DYNLRB1: variants seen among roughly 807,000 people sequenced by gnomAD.
The protein encoded by DYNLRB1 is dynein light chain roadblock-type 1.
In DYNLRB1, 6 loss-of-function variants were observed where a neutral mutation model predicts 13.5. That is an observed-to-expected ratio of 0.44 (90% CI 0.24 to 0.88). The LOEUF (loss-of-function observed/expected upper bound fraction) is 0.88. Among genes scored for constraint, DYNLRB1 ranks in the 40% least tolerant of loss-of-function variants. The probability of loss-of-function intolerance (pLI) is 0.21; values close to 1 mark genes in which losing one functional copy is unlikely to be tolerated. For synonymous variants in DYNLRB1, 43 were observed against 45.0 expected (o/e 0.96, Z 0.18); for missense variants, 93 against 127.2 (o/e 0.73, Z 1.29).
At chr20:34,516,504 C>T (rs1048587705) in intron 1 of DYNLRB1, 43 bp downstream of exon 1, 1 of 1,610,214 alleles carries the variant, frequency 6.2e-7, no homozygotes, top group Non-Finnish European at 8.5e-7. Flanking sequence ...CCGCCCACCA[C>T]CCCACGCCAG....
At chr20:34,524,880 C>G (rs868446391) in intron 1 of DYNLRB1, among the ~76,000 whole-genome samples, 1 of 152,134 alleles carries the variant, frequency 6.6e-6, no homozygotes, top group African/African-American at 2.4e-5. Context: ...CCCGCCACTA[C>G]GCCCGGCTAA....
chr20:34,522,881 C>G (rs538105566), intron 1 of DYNLRB1, among the ~76,000 whole-genome samples: 1 of 152,194 alleles, frequency 6.6e-6, no homozygotes, highest in Admixed American at 6.5e-5. Flanking sequence ...CCATGTCCCC[C>G]TCCTGTACTT....
intron 3 of DYNLRB1, chr20:34,535,563 A>C (rs1029030083): frequency 1.1e-6 from 1 of 886,552 alleles, no homozygotes; most frequent in Admixed American, 6.2e-5. Flanking sequence ...TCACTCATGG[A>C]CTGGGGTGGC....
intron 1 of DYNLRB1, among the ~76,000 whole-genome samples, chr20:34,523,844 C>A (rs2146622927): frequency 6.6e-6 from 1 of 152,284 alleles, no homozygotes; most frequent in East Asian, 1.9e-4. Context: ...GGAAGGTTGC[C>A]ATGTAGTTAC....
In DYNLRB1 at chr20:34,529,949, C is replaced by T. The variant is rs780491108; in HGVS notation, c.79+3606C>T. On this transcript the variant is annotated intron_variant, in intron 2 of 3. Coordinates refer to ENST00000357156, the MANE Select transcript of DYNLRB1 (RefSeq NM_014183.4). ...GGTGGCCTGAGGCAACTCCTTTCCC[C>T]GCTTCAGCCCTCAACTGCCTCGAGT... The T allele has an allele frequency of 1.3e-5, 18 of 1,426,648 alleles. No homozygotes were observed. In the Admixed American group the frequency reaches 2.1e-4, roughly 17 times the overall value. The allele number at this position is 1,426,648 out of a possible 1,614,324, so 88.4% of individuals were successfully genotyped here.
rs17091865 is a variant in DYNLRB1 at position 34,524,029 on chromosome 20, C to A, written c.4-2239C>A. Among the ~76,000 whole-genome samples, 1,300 of 152,226 alleles carry A rather than the reference C, an allele frequency of 8.5e-3. 19 individuals are homozygous for A. The highest frequency in any genetic ancestry group is 0.03 in the African/African-American group (1,226 of 41,512). ...TAAATTGTCATCCAAGTTATTCTTA[C>A]ATCTTATTCTGACAACATTGAGTGT... On this transcript the variant is annotated intron_variant, in intron 1 of 3. Coordinates refer to ENST00000357156, the MANE Select transcript of DYNLRB1 (RefSeq NM_014183.4).
rs1462685751 is a variant in DYNLRB1, at chr20:34,540,462, T to C, written c.248-119T>C. On this transcript the variant is annotated intron_variant, in intron 3 of 3. Coordinates refer to ENST00000357156, the MANE Select transcript of DYNLRB1 (RefSeq NM_014183.4). ...TTGGAGATGCTGAACGTTGATGCTT[T>C]TTGTTGCTTTCTCCCCTTCCTCATT... 4 of 935,194 alleles carry C rather than the reference T, an allele frequency of 4.3e-6. No individual in the cohort carries two copies. The Admixed American group carries it at 7.3e-5, about 17-fold the overall frequency. 57.9% of individuals were successfully genotyped at this position (935,194 alleles called of 1,614,324 possible).
At chr20:34,532,533 A>G (rs1162050149) in intron 2 of DYNLRB1, among the ~76,000 whole-genome samples, 1 of 152,156 alleles carries the variant, frequency 6.6e-6, no homozygotes, top group Admixed American at 6.5e-5. Context: ...GGTGGGCAGA[A>G]AGAGTCGTGG....
chr20:34,518,054 G>A (rs1189935264), intron 1 of DYNLRB1, among the ~76,000 whole-genome samples: 3 of 151,786 alleles, frequency 2.0e-5, no homozygotes, highest in Admixed American at 6.6e-5. Flanking sequence ...ACTAATTTCC[G>A]TTCCTTTGAA....
At chr20:34,516,417 T>C, upstream of DYNLRB1, 6 of 1,611,298 alleles carry the variant, frequency 3.7e-6, no homozygotes, top group South Asian at 6.6e-5. Flanking sequence ...GGCACAGGAC[T>C]CGCTAAGTGT....
chr20:34,526,164 C>G, intron 1 of DYNLRB1, 104 bp from the exon 2 acceptor site: 1 of 1,283,274 alleles, frequency 7.8e-7, no homozygotes, highest in Non-Finnish European at 1.1e-6. Flanking sequence ...CTGAGTATTA[C>G]TTGTTTGTTG....
At chr20:34,533,209 C>T (rs1980847896) in intron 2 of DYNLRB1, among the ~76,000 whole-genome samples, 1 of 152,156 alleles carries the variant, frequency 6.6e-6, no homozygotes, top group South Asian at 2.1e-4. Flanking sequence ...AAACAAAAGG[C>T]TTGGTATACG....
chr20:34,516,682 C>T (rs1979226611), intron 1 of DYNLRB1: 1 of 1,491,840 alleles, frequency 6.7e-7, no homozygotes, highest in Non-Finnish European at 9.0e-7. Flanking sequence ...GCCCCTTGAC[C>T]GGAAGCGGGA....
rs751842829 is a variant in DYNLRB1, at chr20:34,540,664, G to GC, written c.*46dup. The GC allele has an allele frequency of 1.3e-6, 2 of 1,598,732 alleles. No individual in the cohort carries two copies. The highest frequency in any genetic ancestry group is 1.1e-5 in the South Asian group (1 of 90,050). On this transcript the variant is annotated 3_prime_UTR_variant, in exon 4 of 4. Coordinates refer to ENST00000357156, the MANE Select transcript of DYNLRB1 (RefSeq NM_014183.4). ...TCCCTGTGTCATTCCTTAATTTAATGCCCCCCAAGAATGTTAATGTCAATC... is the reference window on the plus strand; with the variant it reads ...TCCCTGTGTCATTCCTTAATTTAATGCCCCCCCAAGAATGTTAATGTCAATC...
intron 1 of DYNLRB1, among the ~76,000 whole-genome samples, chr20:34,524,740 T>G (rs1345177120): frequency 2.6e-5 from 4 of 152,024 alleles, no homozygotes; most frequent in Non-Finnish European, 5.9e-5. Context: ...TTGTTTTTTT[T>G]TTTTGGAAAT....
At chr20:34,531,936 G>A (rs1980745315) in intron 2 of DYNLRB1, among the ~76,000 whole-genome samples, 1 of 152,206 alleles carries the variant, frequency 6.6e-6, no homozygotes, top group Admixed American at 6.5e-5. Context: ...TTCGTGGTGT[G>A]TAAAAAGAGA....
intron 1 of DYNLRB1, among the ~76,000 whole-genome samples, chr20:34,521,908 C>T (rs967469827): frequency 1.3e-5 from 2 of 152,002 alleles, no homozygotes; most frequent in African/African-American, 2.4e-5. Flanking sequence ...TTTGGCAGTA[C>T]ACATCAGTAG....
chr20:34,525,384 TAG>T (rs948214991), intron 1 of DYNLRB1, among the ~76,000 whole-genome samples: 8 of 152,304 alleles, frequency 5.3e-5, no homozygotes, highest in East Asian at 1.9e-4. Context: ...CAGACCTTTT[TAG>T]AGTCTCTAAG....
intron 2 of DYNLRB1, chr20:34,530,120 C>T: frequency 8.1e-7 from 1 of 1,228,800 alleles, no homozygotes. Context: ...CCAGCTGTGA[C>T]CCCCAGGCTT....
Sources: allele counts gnomAD v4.1 joint callset (sites outside exome capture counted in the v4.1 genomes callset), GRCh38; gene constraint gnomAD v4.1.1; transcripts MANE v1.5; gene names NCBI Gene and HGNC (gene_info 2026-07-23, HGNC 2026-07-21).